Variants in FAM110A observed in about 807,000 individuals in gnomAD.
The protein encoded by FAM110A is family with sequence similarity 110 member A, also known as protein FAM110A.
In FAM110A, 1 loss-of-function variant was observed where a neutral mutation model predicts 4.0. The ratio of observed to expected loss-of-function variants is 0.25; its 90% CI spans 0.09 to 1.20. The LOEUF (loss-of-function observed/expected upper bound fraction) is 1.20, where lower values mean the gene tolerates loss of function less well. Among genes scored for constraint, FAM110A ranks in the 50% most tolerant of loss-of-function variants. The pLI, the probability that FAM110A is intolerant of heterozygous loss-of-function variation, is 0.50. For synonymous variants in FAM110A, 217 were observed against 196.8 expected, an observed-to-expected ratio of 1.10 and a Z score of -0.86; for missense variants, 436 against 429.2, an observed-to-expected ratio of 1.02 and a Z score of -0.14.
chr20:835,003 C>T (rs903281328), intron 1 of FAM110A, among the ~76,000 whole-genome samples: 3 of 152,032 alleles, frequency 2.0e-5, no homozygotes, highest in African/African-American at 7.3e-5. Flanking sequence ...CATCTTCTCC[C>T]ACTGTGATGC....
Position 845,556 on chromosome 20 carries a change from G to T in FAM110A, c.752G>T (p.Arg251Leu). The T allele has an allele frequency of 6.2e-7, 1 of 1,613,532 alleles. No individual in the cohort carries two copies. Among genetic ancestry groups the T allele is most frequent in the Non-Finnish European group, 8.5e-7 (1 of 1,179,858 alleles). ...PGSSEGGCSR[R>L]SSVTVEERAR... ...AGCTCTGAAGGGGGCTGCTCCCGCC[G>T]CAGCTCGGTGACTGTTGAGGAGCGG... The change falls in exon 2 of 2, where the codon CGC (arginine) becomes CTC (leucine). Residue 251 changes from arginine (R) to leucine (L), a missense_variant. Arg to Leu is a moderately radical substitution (Grantham distance 102). Coordinates refer to ENST00000381941, the MANE Select transcript of FAM110A (RefSeq NM_001042353.3).
At chr20:843,871 C>T (rs1157841582) in intron 1 of FAM110A, among the ~76,000 whole-genome samples, 1 of 152,218 alleles carries the variant, frequency 6.6e-6, no homozygotes, top group Non-Finnish European at 1.5e-5. Context: ...CGGATGCCTC[C>T]ATGCAGGGCT....
At position 834,220 on chromosome 20, in the gene FAM110A, C is replaced by G. The variant is rs1285293141; in HGVS notation, c.-98+269C>G. Among the ~76,000 whole-genome samples the G allele has an allele frequency of 1.1e-4, 16 of 152,174 alleles. 1 individual carries two copies. The highest frequency in any genetic ancestry group is 2.9e-5 in the Non-Finnish European group (2 of 68,024). On this transcript the variant is annotated intron_variant, in intron 1 of 1. Coordinates refer to ENST00000381941, the MANE Select transcript of FAM110A (RefSeq NM_001042353.3). The surrounding 1 kb of genome is among the most constrained non-coding windows in gnomAD (Gnocchi z 5.6). ...GGGCAACTGGTAGTCATTTTCCCAG[C>G]GTTTTATCGGCAGGGACCTGTAGAC...
chr20:845,233 AC>A lies in FAM110A; in HGVS notation c.431del (p.Pro144ArgfsTer48), dbSNP rs1980238058. The A allele has an allele frequency of 6.5e-7, 1 of 1,531,672 alleles. No homozygotes were observed. The highest frequency in any genetic ancestry group is 1.4e-5 in the African/African-American group (1 of 71,080). 94.9% of individuals were successfully genotyped at this position (1,531,672 alleles called of 1,614,324 possible). A position where few individuals can be genotyped will look rare whatever the true frequency, so the allele number is the denominator to read the frequency against. ...GRPPPATPPRPPPSTSAVRRV... is the reference protein window; with the variant it reads ...GRPPPATPPRXPPSTSAVRRV... ...GTCCTCCCCCAGCCACCCCTCCGCGACCGCCGCCCAGTACCTCTGCGGTCCG... is the reference window on the plus strand; with the variant it reads ...GTCCTCCCCCAGCCACCCCTCCGCGACGCCGCCCAGTACCTCTGCGGTCCG... On this transcript the variant is annotated frameshift_variant, in exon 2 of 2. Coordinates refer to ENST00000381941, the MANE Select transcript of FAM110A (RefSeq NM_001042353.3). LOFTEE classifies it high-confidence loss of function.
chr20:841,672 C>T (rs1379848858), intron 1 of FAM110A, among the ~76,000 whole-genome samples: 1 of 152,118 alleles, frequency 6.6e-6, no homozygotes, highest in Non-Finnish European at 1.5e-5. Context: ...TGGGGATGCG[C>T]GCCCCCGGGA....
Position 834,604 on chromosome 20 carries a change from C to T in FAM110A, c.-98+653C>T, listed in dbSNP as rs548163436. Among the ~76,000 whole-genome samples the T allele has an allele frequency of 7.2e-5, 11 of 152,348 alleles. No homozygotes were observed. The highest frequency in any genetic ancestry group is 4.6e-4 in the Admixed American group (7 of 15,302). On this transcript the variant is annotated intron_variant, in intron 1 of 1. Coordinates refer to ENST00000381941, the MANE Select transcript of FAM110A (RefSeq NM_001042353.3). This position sits in a 1 kb window ranked among gnomAD's most constrained non-coding sequence, Gnocchi z 5.6. ...AGCAGCTGACCTAGGCCAGACCCTGCTGTGTCTCCTGGGGACACCCCCTGC... is the reference window on the plus strand; with the variant it reads ...AGCAGCTGACCTAGGCCAGACCCTGTTGTGTCTCCTGGGGACACCCCCTGC...
chr20:845,463 G>T lies in FAM110A; in HGVS notation c.659G>T (p.Gly220Val). 1 of 1,613,530 alleles carries T rather than the reference G, an allele frequency of 6.2e-7. No individual in the cohort carries two copies. The highest frequency in any genetic ancestry group is 8.5e-7 in the Non-Finnish European group (1 of 1,179,790). The change falls in exon 2 of 2, where the codon GGT becomes GTT. Residue 220 changes from glycine (G) to valine (V), a missense_variant. By Grantham distance (109) the Gly-to-Val change is moderately radical. Transcript: ENST00000381941. ...GLDPEEARGLGVAHLARASSD... is the reference protein window; with the variant it reads ...GLDPEEARGLVVAHLARASSD... ...GACCCGGAGGAGGCGAGAGGGTTGG[G>T]TGTGGCCCACCTGGCACGGGCCAGC... is the stretch of plus-strand genomic sequence containing the variant.
rs1186740494 is a variant in FAM110A, at chr20:834,589, C to T, written c.-98+638C>T. Among the ~76,000 whole-genome samples, 1 of 152,214 alleles carries T rather than the reference C, an allele frequency of 6.6e-6. No homozygotes were observed. The highest frequency in any genetic ancestry group is 1.5e-5 in the Non-Finnish European group (1 of 68,038). ...AATCCCCCCAGGTGGAGCAGCTGAC[C>T]TAGGCCAGACCCTGCTGTGTCTCCT... On this transcript the variant is annotated intron_variant, in intron 1 of 1. Coordinates refer to ENST00000381941, the MANE Select transcript of FAM110A (RefSeq NM_001042353.3). The surrounding 1 kb of genome is among the most constrained non-coding windows in gnomAD (Gnocchi z 5.6).
In FAM110A at chr20:845,544, G is replaced by T. The variant is rs766841511; in HGVS notation, c.740G>T (p.Gly247Val). The change falls in exon 2 of 2, where the codon GGC (glycine) becomes GTC (valine). Residue 247 changes from glycine to valine, a missense_variant. Coordinates refer to ENST00000381941, the MANE Select transcript of FAM110A (RefSeq NM_001042353.3). ...PSAGPGSSEG[G>V]CSRRSSVTVE... The stretch of plus-strand genomic sequence containing the variant: ...GCTGGGCCGGGCAGCTCTGAAGGGG[G>T]CTGCTCCCGCCGCAGCTCGGTGACT... 1.9e-6 allele frequency: 3 copies of T among 1,613,094 alleles called. No individual in the cohort carries two copies. Among genetic ancestry groups the T allele is most frequent in the African/African-American group, 1.3e-5 (1 of 75,054 alleles).
rs1979433942 is a variant in FAM110A at position 833,782 on chromosome 20, G to C, written c.-267G>C. ...GGGCCTTCGACAGTGAGGGCCACCC[G>C]CTCAGCTCGACCGCGGAGGGCAGCT... On this transcript the variant is annotated 5_prime_UTR_variant, in exon 1 of 2. Transcript: ENST00000381941. The surrounding 1 kb of genome is among the most constrained non-coding windows in gnomAD (Gnocchi z 4.1). The C allele has an allele frequency of 6.6e-6, 1 of 152,232 alleles. No homozygotes were observed. The highest frequency in any genetic ancestry group is 2.4e-5 in the African/African-American group (1 of 41,456). 9.4% of individuals were successfully genotyped at this position (152,232 alleles called of 1,614,324 possible).
rs562382036 is a variant in FAM110A, at chr20:844,774, CA to C, written c.-30del. On this transcript the variant is annotated 5_prime_UTR_variant, in exon 2 of 2. Transcript: ENST00000381941. ...TGGCTCCTCATCTCTCCGGTCTCCG[CA>C]GACTAAAGCCCTCGGGATATGCAGC... 369 of 1,415,854 alleles carry C rather than the reference CA, an allele frequency of 2.6e-4. 7 individuals carry two copies. In the South Asian group the frequency reaches 5.2e-3, roughly 20 times the overall value. The allele number at this position is 1,415,854 out of a possible 1,614,324, so 87.7% of individuals were successfully genotyped here.
In FAM110A at chr20:845,782, G is replaced by A. The variant is rs1196550720; in HGVS notation, c.*90G>A. ...TCTTGCATCCATTCTCTAGACGGCCGTGTCAGAGGCTCCACCCTGTTGTGA... is the reference window on the plus strand; with the variant it reads ...TCTTGCATCCATTCTCTAGACGGCCATGTCAGAGGCTCCACCCTGTTGTGA... On this transcript the variant is annotated 3_prime_UTR_variant, in exon 2 of 2. Transcript: ENST00000381941. 5.2e-6 allele frequency: 8 copies of A among 1,548,226 alleles called. No homozygotes were observed. The highest frequency in any genetic ancestry group is 7.0e-6 in the Non-Finnish European group (8 of 1,147,732).
Position 844,963 on chromosome 20 carries a change from C to T in FAM110A, c.159C>T (p.Tyr53=), listed in dbSNP as rs1472904590. ...GCCTGGAGGCCGACAAGGCCAAGTA[C>T]GTCAAGAGCCTGCACGTGGCCAACA... ...VERLEADKAK[Y]VKSLHVANTR... is the part of the protein sequence containing the mutation. The change falls in exon 2 of 2, where the codon TAC becomes TAT. Residue 53 remains tyrosine (Y), a synonymous_variant. Coordinates refer to ENST00000381941, the MANE Select transcript of FAM110A (RefSeq NM_001042353.3). The T allele has an allele frequency of 4.4e-6, 7 of 1,594,676 alleles. No homozygotes were observed. The highest frequency in any genetic ancestry group is 1.1e-5 in the South Asian group (1 of 88,508).
intron 1 of FAM110A, chr20:839,950 C>A: frequency 6.6e-7 from 1 of 1,514,942 alleles, no homozygotes; most frequent in Non-Finnish European, 9.1e-7. Context: ...TCATGAATGG[C>A]AATCCGGTTC....
rs536399984 is a variant in FAM110A, at chr20:839,459, C to A, written c.-97-5249C>A. 76 of 768,186 alleles carry A rather than the reference C, an allele frequency of 9.9e-5. 2 individuals carry two copies. The South Asian group carries it at 1.0e-3, about 10-fold the overall frequency. 47.6% of individuals were successfully genotyped at this position (768,186 alleles called of 1,614,324 possible). On this transcript the variant is annotated intron_variant, in intron 1 of 1. Coordinates refer to ENST00000381941, the MANE Select transcript of FAM110A (RefSeq NM_001042353.3). ...ATCCTCTCCAATTTTATTGAGGTGG[C>A]TGACCACGTCCACGACCACATCTGC...
In FAM110A at chr20:844,992, G is replaced by T; in HGVS notation, c.188G>T (p.Arg63Leu). 1 of 1,596,450 alleles carries T rather than the reference G, an allele frequency of 6.3e-7. No homozygotes were observed. Among genetic ancestry groups the T allele is most frequent in the South Asian group, 1.1e-5 (1 of 88,634 alleles). Residue 63 changes from arginine (R) to leucine (L), a missense_variant, in exon 2 of 2, where the codon CGC (arginine) becomes CTC (leucine). Coordinates refer to ENST00000381941, the MANE Select transcript of FAM110A (RefSeq NM_001042353.3). ...YVKSLHVANTRQEPVQPLLSK... is the reference protein window; with the variant it reads ...YVKSLHVANTLQEPVQPLLSK... Reference sequence around the variant, plus strand: ...AAGAGCCTGCACGTGGCCAACACCCGCCAGGAGCCTGTGCAGCCCCTGCTG... The same window carrying T: ...AAGAGCCTGCACGTGGCCAACACCCTCCAGGAGCCTGTGCAGCCCCTGCTG...
Position 840,140 on chromosome 20 carries a change from G to C in FAM110A, c.-97-4568G>C, listed in dbSNP as rs1979805636. Among the ~76,000 whole-genome samples the C allele has an allele frequency of 6.6e-6, 1 of 152,170 alleles. No homozygotes were observed. Among genetic ancestry groups the C allele is most frequent in the Admixed American group, 6.5e-5 (1 of 15,274 alleles). ...TCTGCCTCCGTGGAGGGCTAGGCAG[G>C]GCTCAGCAGGCCATTTGGAGGATGA... On this transcript the variant is annotated intron_variant, in intron 1 of 1. Transcript: ENST00000381941. The surrounding 1 kb of genome is among the most constrained non-coding windows in gnomAD (Gnocchi z 4.4).
intron 1 of FAM110A, among the ~76,000 whole-genome samples, chr20:842,857 C>T (rs534144412): frequency 7.2e-5 from 11 of 152,232 alleles, no homozygotes; most frequent in African/African-American, 2.4e-4. Flanking sequence ...TAGTTCATCC[C>T]TGATCACCCA....
Position 845,781 on chromosome 20 carries a change from C to G in FAM110A, c.*89C>G, listed in dbSNP as rs943609985. 1 of 1,550,080 alleles carries G rather than the reference C, an allele frequency of 6.5e-7. No homozygotes were observed. The highest frequency in any genetic ancestry group is 8.7e-7 in the Non-Finnish European group (1 of 1,148,514). ...CTCTTGCATCCATTCTCTAGACGGC[C>G]GTGTCAGAGGCTCCACCCTGTTGTG... On this transcript the variant is annotated 3_prime_UTR_variant, in exon 2 of 2. Coordinates refer to ENST00000381941, the MANE Select transcript of FAM110A (RefSeq NM_001042353.3).
Sources: gnomAD v4.1 joint callset for allele counts (sites outside exome capture counted in the v4.1 genomes callset) on GRCh38, gnomAD v4.1.1 for gene constraint, Gnocchi (gnomAD v3.1) non-coding constraint, MANE v1.5 for transcripts, NCBI Gene and HGNC (gene_info 2026-07-23, HGNC 2026-07-21) for gene names.